MYLK: variants seen among roughly 807,000 people sequenced by gnomAD.
MYLK encodes myosin light chain kinase, smooth muscle.
A neutral mutation model predicts 203.4 loss-of-function variants in MYLK; 106 were observed. The ratio of observed to expected loss-of-function variants is 0.52; its 90% CI spans 0.45 to 0.61. The LOEUF (loss-of-function observed/expected upper bound fraction) is 0.61, where lower values mean the gene tolerates loss of function less well. MYLK is among the 20% of genes least tolerant of loss of function. MYLK has a pLI of 0.00. For synonymous variants in MYLK, 867 were observed against 959.5 expected, an observed-to-expected ratio of 0.90 and a Z score of 1.78; for missense variants, 2,072 against 2,442.3, an observed-to-expected ratio of 0.85 and a Z score of 3.20.
chr3:123,640,147 G>A lies in MYLK; in HGVS notation c.4837+140C>T. On this transcript the variant is annotated intron_variant, in intron 28 of 33. Transcript: ENST00000360304. The surrounding 1 kb of genome is among the most constrained non-coding windows in gnomAD (Gnocchi z 4.3). The stretch of plus-strand genomic sequence containing the variant: ...TTACTGTCACGTCTAGTATGTGGTA[G>A]GGGCAGGATTCAAACCTGGGAAGTC... 1.3e-6 allele frequency: 1 copy of A among 769,712 alleles called. No individual in the cohort carries two copies. The highest frequency in any genetic ancestry group is 2.2e-6 in the Non-Finnish European group (1 of 447,332). 47.7% of individuals were successfully genotyped at this position (769,712 alleles called of 1,614,324 possible).
intron 18 of MYLK, among the ~76,000 whole-genome samples, chr3:123,696,265 T>C (rs951606427): frequency 1.3e-5 from 2 of 151,980 alleles, no homozygotes; most frequent in African/African-American, 4.8e-5. Context: ...CACAGGTTGA[T>C]GGGGAGGGGA....
chr3:123,746,297 T>C (rs1397681139), intron 5 of MYLK, among the ~76,000 whole-genome samples: 1 of 116,400 alleles, frequency 8.6e-6, no homozygotes, highest in Non-Finnish European at 1.9e-5. Context: ...TTTATTGTTC[T>C]TTATATCCTA....
intron 4 of MYLK, among the ~76,000 whole-genome samples, chr3:123,791,442 G>A (rs1020060319): frequency 1.3e-5 from 2 of 152,200 alleles, no homozygotes; most frequent in Non-Finnish European, 2.9e-5. Flanking sequence ...AAAAGTCTCT[G>A]TGTTGTTTCC....
intron 18 of MYLK, among the ~76,000 whole-genome samples, chr3:123,697,331 C>A (rs974258097): frequency 2.0e-5 from 3 of 152,128 alleles, no homozygotes; most frequent in African/African-American, 7.2e-5. Context: ...CAAGACAGGC[C>A]CATTGCAAGG....
intron 3 of MYLK, among the ~76,000 whole-genome samples, chr3:123,812,776 C>T (rs1028322341): frequency 3.3e-5 from 5 of 152,204 alleles, no homozygotes; most frequent in African/African-American, 1.2e-4. Context: ...TGACTGGGGG[C>T]CCCACTGAGC....
chr3:123,682,250 G>C lies in MYLK; in HGVS notation c.3626C>G (p.Ser1209Cys), dbSNP rs1406608470. The C allele has an allele frequency of 1.9e-6, 3 of 1,603,408 alleles. No individual in the cohort carries two copies. The highest frequency in any genetic ancestry group is 1.7e-5 in the Admixed American group (1 of 58,502). ...CTCAGTTCCTAGCACGGGAGGAAGAGAGCTCTTGGGCCTCCGGGATTTCAT... is the reference window on the plus strand; with the variant it reads ...CTCAGTTCCTAGCACGGGAGGAAGACAGCTCTTGGGCCTCCGGGATTTCAT... The part of the protein sequence containing the change: ...PEMKSRRPKS[S>C]LPPVLGTESD... The change falls in exon 20 of 34, where the codon TCT becomes TGT. Residue 1209 changes from serine (S) to cysteine (C), a missense_variant. Transcript: ENST00000360304.
intron 4 of MYLK, among the ~76,000 whole-genome samples, chr3:123,771,092 C>G (rs1307115379): frequency 2.6e-5 from 4 of 152,202 alleles, no homozygotes; most frequent in African/African-American, 9.6e-5. Context: ...CCATTTCATA[C>G]TGTAAATAAC....
At chr3:123,810,993 A>T (rs934697937) in intron 3 of MYLK, among the ~76,000 whole-genome samples, 2 of 152,170 alleles carry the variant, frequency 1.3e-5, no homozygotes, top group Non-Finnish European at 2.9e-5. Context: ...AGGCTAACAC[A>T]TGTTTCTCCT....
intron 24 of MYLK, among the ~76,000 whole-genome samples, chr3:123,653,815 G>C (rs2059296589): frequency 6.6e-6 from 1 of 152,156 alleles, no homozygotes; most frequent in Non-Finnish European, 1.5e-5. Flanking sequence ...TTACACCATA[G>C]CACAGACCTG....
At chr3:123,628,319 C>T (rs904989869) in intron 30 of MYLK, among the ~76,000 whole-genome samples, 6 of 152,184 alleles carry the variant, frequency 3.9e-5, no homozygotes, top group Non-Finnish European at 5.9e-5. Flanking sequence ...CTTCCTGCCC[C>T]GAACAGCCAT....
chr3:123,645,188 G>A, intron 27 of MYLK, among the ~76,000 whole-genome samples: 1 of 152,202 alleles, frequency 6.6e-6, no homozygotes, highest in East Asian at 1.9e-4. Context: ...CGTTCATGAG[G>A]TGGGTGTCGT....
chr3:123,882,405 C>T (rs1276955868), intron 1 of MYLK, among the ~76,000 whole-genome samples: 1 of 152,124 alleles, frequency 6.6e-6, no homozygotes, highest in Non-Finnish European at 1.5e-5. Context: ...CAGAGCCAGA[C>T]CCTGTCTCAA....
rs374159537 is a variant in MYLK, at chr3:123,737,403, C to T, written c.729G>A (p.Ser243=). 5 of 1,613,994 alleles carry T rather than the reference C, an allele frequency of 3.1e-6. No individual in the cohort carries two copies. Among genetic ancestry groups the T allele is most frequent in the Non-Finnish European group, 3.4e-6 (4 of 1,180,020 alleles). ...CLVVNGSGKA[S]MSAELSIQGL... Reference sequence around the variant, plus strand: ...CTTGGATGGAAAGTTCAGCTGACATCGAGGCCTTCCCCGACCCGTTCACCA... The same window carrying T: ...CTTGGATGGAAAGTTCAGCTGACATTGAGGCCTTCCCCGACCCGTTCACCA... The change falls in exon 8 of 34, where the codon TCG becomes TCA. Residue 243 remains serine (S), a synonymous_variant. Coordinates refer to ENST00000360304, the MANE Select transcript of MYLK (RefSeq NM_053025.4).
chr3:123,772,627 A>T (rs2063920288), intron 4 of MYLK, among the ~76,000 whole-genome samples: 1 of 152,144 alleles, frequency 6.6e-6, no homozygotes, highest in South Asian at 2.1e-4. Flanking sequence ...AATTAAAAAT[A>T]TTTCAAATAT....
chr3:123,755,100 CA>C (rs2063322539), intron 4 of MYLK, among the ~76,000 whole-genome samples: 2 of 152,236 alleles, frequency 1.3e-5, no homozygotes, highest in African/African-American at 4.8e-5. Flanking sequence ...TGCAAACCAT[CA>C]TTGTCTTCTC....
At chr3:123,752,655 T>C in intron 4 of MYLK, 117 bp from the exon 5 acceptor site, 1 of 1,006,708 alleles carries the variant, frequency 9.9e-7, no homozygotes, top group South Asian at 1.4e-5. Context: ...AACGCCCCCA[T>C]TTCATCCTCA....
In MYLK at chr3:123,802,229, C is replaced by T. The variant is rs568243180; in HGVS notation, c.-3-8385G>A. Among the ~76,000 whole-genome samples, 17 of 152,320 alleles carry T rather than the reference C, an allele frequency of 1.1e-4. No individual in the cohort carries two copies. The East Asian group carries it at 2.1e-3, about 19-fold the overall frequency. On this transcript the variant is annotated intron_variant, in intron 3 of 33. Coordinates refer to ENST00000360304, the MANE Select transcript of MYLK (RefSeq NM_053025.4). ...GAAATGGGCACAATCACAGCCTGCC[C>T]GGGGTACAATCTCAGGGTTTCCTGC... is the stretch of plus-strand genomic sequence containing the variant.
intron 3 of MYLK, among the ~76,000 whole-genome samples, chr3:123,805,971 T>C (rs755330020): frequency 1.3e-5 from 2 of 152,282 alleles, no homozygotes; most frequent in Non-Finnish European, 2.9e-5. Context: ...TAGTCAGTTA[T>C]GATGAAGACT....
chr3:123,676,600 T>C (rs991756167), intron 20 of MYLK, among the ~76,000 whole-genome samples: 1 of 152,224 alleles, frequency 6.6e-6, no homozygotes, highest in African/African-American at 2.4e-5. Context: ...TAATCTGGGA[T>C]GTTCCAAAGT....
Sources: allele counts gnomAD v4.1 joint callset (sites outside exome capture counted in the v4.1 genomes callset), GRCh38; gene constraint gnomAD v4.1.1; non-coding constraint Gnocchi (gnomAD v3.1); transcripts MANE v1.5; gene names NCBI Gene and HGNC (gene_info 2026-07-23, HGNC 2026-07-21).